Variants in SIDT1 observed in about 807,000 individuals in gnomAD.
The protein encoded by SIDT1 is SID1 transmembrane family, member 1.
In SIDT1, 101 loss-of-function variants were observed where a neutral mutation model predicts 107.5. The observed-to-expected ratio is 0.94, with a 90% CI of 0.80 to 1.11. SIDT1 has a LOEUF of 1.11. Among genes scored for constraint, SIDT1 ranks in the 50% least tolerant of loss-of-function variants. The pLI, the probability that SIDT1 is intolerant of heterozygous loss-of-function variation, is 0.00. For synonymous variants in SIDT1, 395 were observed against 398.2 expected (o/e 0.99, Z 0.10); for missense variants, 1,076 against 1,058.2 (o/e 1.02, Z -0.23).
intron 6 of SIDT1, chr3:113,581,657 A>G (rs552604746): frequency 4.8e-5 from 24 of 504,812 alleles, no homozygotes; most frequent in Non-Finnish European, 8.2e-5. Context: ...CGGATCACCT[A>G]AAGTCAGGAG....
intron 4 of SIDT1, among the ~76,000 whole-genome samples, chr3:113,580,212 G>A (rs756630073): frequency 9.2e-5 from 14 of 152,112 alleles, no homozygotes; most frequent in African/African-American, 1.7e-4. Flanking sequence ...TGGAATTTTC[G>A]TATGTCACAT....
chr3:113,585,301 C>G, intron 9 of SIDT1, 31 bp downstream of exon 9: 1 of 1,480,086 alleles, frequency 6.8e-7, no homozygotes, highest in Non-Finnish European at 9.4e-7. Flanking sequence ...AATGTTAATT[C>G]CCTGTGCCTG....
At chr3:113,562,970 C>G (rs780205967) in intron 1 of SIDT1, among the ~76,000 whole-genome samples, 36 of 152,248 alleles carry the variant, frequency 2.4e-4, no homozygotes, top group Non-Finnish European at 4.9e-4. Context: ...TAATCAGAGG[C>G]CACACAGCAC....
intron 10 of SIDT1, among the ~76,000 whole-genome samples, chr3:113,597,838 A>G (rs915112552): frequency 2.6e-5 from 4 of 152,232 alleles, no homozygotes; most frequent in Non-Finnish European, 5.9e-5. Flanking sequence ...CAGCCAGAAC[A>G]TCTTGGTCTG....
intron 10 of SIDT1, among the ~76,000 whole-genome samples, chr3:113,599,337 A>G (rs922318718): frequency 1.3e-5 from 2 of 152,248 alleles, no homozygotes; most frequent in African/African-American, 4.8e-5. Context: ...CTGCCAATCT[A>G]AAAAGCAAAA....
At chr3:113,584,003 A>T (rs2107535447) in intron 7 of SIDT1, among the ~76,000 whole-genome samples, 1 of 152,300 alleles carries the variant, frequency 6.6e-6, no homozygotes, top group Non-Finnish European at 1.5e-5. Flanking sequence ...TCCCAATAAT[A>T]AGGGGTTATG....
At position 113,604,844 on chromosome 3, in the gene SIDT1, A is replaced by T. The variant is rs933638068; in HGVS notation, c.1338-66A>T. ...TATGGGGTGGAAGCATTCTTTTAAAAATATTAACCAAAGACTCCACTGTTC... is the reference window on the plus strand; with the variant it reads ...TATGGGGTGGAAGCATTCTTTTAAATATATTAACCAAAGACTCCACTGTTC... On this transcript the variant is annotated intron_variant, in intron 13 of 24. Coordinates refer to ENST00000264852, the MANE Select transcript of SIDT1 (RefSeq NM_017699.3). The T allele has an allele frequency of 1.5e-5, 24 of 1,576,520 alleles. No homozygotes were observed. In the African/African-American group the frequency reaches 2.6e-4, roughly 17 times the overall value.
intron 1 of SIDT1, among the ~76,000 whole-genome samples, chr3:113,562,748 G>A (rs150721146): frequency 2.0e-5 from 3 of 152,304 alleles, no homozygotes; most frequent in Non-Finnish European, 2.9e-5. Context: ...GTTTCTTTTC[G>A]GGGTGAGAAA....
chr3:113,550,171 T>C (rs1228229358), intron 1 of SIDT1, among the ~76,000 whole-genome samples: 2 of 152,226 alleles, frequency 1.3e-5, no homozygotes, highest in African/African-American at 2.4e-5. Context: ...TACCACTCCC[T>C]TTCCCTATGT....
At chr3:113,556,769 G>A (rs565269149) in intron 1 of SIDT1, among the ~76,000 whole-genome samples, 1 of 150,648 alleles carries the variant, frequency 6.6e-6, no homozygotes, top group Non-Finnish European at 1.5e-5. Context: ...CCTAGTTACA[G>A]AGCTGTAAGT....
rs1946612836 is a variant in SIDT1 at position 113,623,414 on chromosome 3, C to T, written c.2091-13C>T. On this transcript the variant is annotated splice_polypyrimidine_tract_variant and intron_variant, in intron 21 of 24. Coordinates refer to ENST00000264852, the MANE Select transcript of SIDT1 (RefSeq NM_017699.3). ...CACCTTCACGGCTGCCCACATTTCTCCCACGCCTGCAGCGCCCTCTTTGGA... is the reference window on the plus strand; with the variant it reads ...CACCTTCACGGCTGCCCACATTTCTTCCACGCCTGCAGCGCCCTCTTTGGA... 6.3e-7 allele frequency: 1 copy of T among 1,588,950 alleles called. No individual in the cohort carries two copies. The highest frequency in any genetic ancestry group is 1.3e-5 in the African/African-American group (1 of 74,438).
chr3:113,569,005 T>C (rs1018890800), intron 3 of SIDT1, among the ~76,000 whole-genome samples: 1 of 151,578 alleles, frequency 6.6e-6, no homozygotes, highest in Non-Finnish European at 1.5e-5. Context: ...CTGGGCATGG[T>C]GGCAGGCGCC....
intron 1 of SIDT1, among the ~76,000 whole-genome samples, chr3:113,563,509 G>A (rs929382760): frequency 2.0e-5 from 3 of 152,194 alleles, no homozygotes; most frequent in Non-Finnish European, 4.4e-5. Flanking sequence ...CTAACTACCA[G>A]TTTGCAGGCA....
chr3:113,564,664 A>G (rs1237730175), intron 1 of SIDT1, among the ~76,000 whole-genome samples: 4 of 152,242 alleles, frequency 2.6e-5, no homozygotes, highest in East Asian at 1.9e-4. Context: ...GAATGGCTGC[A>G]TGGTGGGGCC....
downstream of SIDT1, among the ~76,000 whole-genome samples, chr3:113,631,994 T>C (rs1209414576): frequency 6.6e-6 from 1 of 152,218 alleles, no homozygotes; most frequent in Non-Finnish European, 1.5e-5. Context: ...CCTACATCTT[T>C]TTGTCTACCT....
At chr3:113,538,285 G>A (rs890507748) in intron 1 of SIDT1, among the ~76,000 whole-genome samples, 1 of 152,248 alleles carries the variant, frequency 6.6e-6, no homozygotes, top group African/African-American at 2.4e-5. Flanking sequence ...ATCAGTGTGT[G>A]TCATGGGTTG....
At chr3:113,634,673 G>A in the SIDT1 span, among the ~76,000 whole-genome samples, 4 of 152,052 alleles carry the variant, frequency 2.6e-5, no homozygotes, top group South Asian at 2.1e-4. Flanking sequence ...GTGTGGTGGC[G>A]TGCATCTGTA....
At chr3:113,575,840 G>C (rs892472636) in intron 3 of SIDT1, among the ~76,000 whole-genome samples, 1 of 152,166 alleles carries the variant, frequency 6.6e-6, no homozygotes, top group African/African-American at 2.4e-5. Context: ...AAAATCTTCA[G>C]AGAGCCCCAG....
chr3:113,630,609 A>G (rs969487291), downstream of SIDT1, among the ~76,000 whole-genome samples: 1 of 152,192 alleles, frequency 6.6e-6, no homozygotes, highest in Non-Finnish European at 1.5e-5. Flanking sequence ...ACTCATGGGA[A>G]AGGGAGGAAC....
Sources: gnomAD v4.1 joint callset for allele counts (sites outside exome capture counted in the v4.1 genomes callset) on GRCh38, gnomAD v4.1.1 for gene constraint, MANE v1.5 for transcripts, NCBI Gene and HGNC (gene_info 2026-07-23, HGNC 2026-07-21) for gene names.